PCDH15: variants seen among roughly 807,000 people sequenced by gnomAD.
The protein encoded by PCDH15 is protocadherin-15.
A neutral mutation model predicts 178.5 loss-of-function variants in PCDH15; 129 were observed. That is an observed-to-expected ratio of 0.72 (90% confidence interval 0.63 to 0.84). The LOEUF (loss-of-function observed/expected upper bound fraction) is 0.84, where lower values mean the gene tolerates loss of function less well. Ranked by LOEUF, PCDH15 falls within the 40% of genes least tolerant of loss-of-function variation. The pLI is 0.00. For synonymous variants in PCDH15, 800 were observed against 732.0 expected, an observed-to-expected ratio of 1.09 and a Z score of -1.50; for missense variants, 2,230 against 2,099.9, an observed-to-expected ratio of 1.06 and a Z score of -1.21.
At chr10:55,233,066 T>G (rs1841271171) in intron 1 of PCDH15, among the ~76,000 whole-genome samples, 1 of 59,760 alleles carries the variant, frequency 1.7e-5, no homozygotes, top group African/African-American at 4.6e-5. Flanking sequence ...GGAGAAAATA[T>G]TGTCTCATAA....
At chr10:55,566,457 G>A (rs1386322905) in intron 2 of PCDH15, among the ~76,000 whole-genome samples, 2 of 151,340 alleles carry the variant, frequency 1.3e-5, no homozygotes, top group Non-Finnish European at 3.0e-5. Context: ...AAAAGATCTG[G>A]CTAGAAAAAA....
intron 3 of PCDH15, among the ~76,000 whole-genome samples, chr10:54,481,330 A>C (rs2078702067): frequency 6.6e-6 from 1 of 151,892 alleles, no homozygotes; most frequent in African/African-American, 2.4e-5. Flanking sequence ...ATATTAAATT[A>C]TAAGAAATTT....
At chr10:55,341,805 ATTTTTTTT>A (rs869187882) in intron 2 of PCDH15, among the ~76,000 whole-genome samples, 4 of 16,320 alleles carry the variant, frequency 2.5e-4, no homozygotes, top group South Asian at 2.8e-3. Flanking sequence ...ATATATATAT[ATTTTTTTT>A]TTTTTTTTTT....
At chr10:55,272,413 AT>A (rs1317107752) in intron 1 of PCDH15, among the ~76,000 whole-genome samples, 6 of 148,674 alleles carry the variant, frequency 4.0e-5, no homozygotes, top group African/African-American at 1.2e-4. Flanking sequence ...TATTTATTTT[AT>A]TTTATTTTGA....
chr10:54,518,890 T>C (rs1016786861), intron 3 of PCDH15, among the ~76,000 whole-genome samples: 7 of 152,206 alleles, frequency 4.6e-5, no homozygotes, highest in African/African-American at 1.7e-4. Context: ...ATCCCTGGGA[T>C]GCAAGGCTGG....
intron 2 of PCDH15, among the ~76,000 whole-genome samples, chr10:54,903,154 A>G (rs1954665091): frequency 6.6e-6 from 1 of 152,170 alleles, no homozygotes; most frequent in South Asian, 2.1e-4. Flanking sequence ...ATGAAGGAGG[A>G]AACAGACTAG....
At chr10:54,821,500 A>G (rs1182720233) in intron 3 of PCDH15, among the ~76,000 whole-genome samples, 4 of 152,136 alleles carry the variant, frequency 2.6e-5, no homozygotes, top group Non-Finnish European at 5.9e-5. Flanking sequence ...ACGTTTTTAA[A>G]AGTTGGCACA....
chr10:55,076,915 T>C (rs1841905009), intron 2 of PCDH15, among the ~76,000 whole-genome samples: 1 of 151,516 alleles, frequency 6.6e-6, no homozygotes, highest in Admixed American at 6.6e-5. Context: ...ATTATAGGCA[T>C]CTGCCACCAC....
intron 8 of PCDH15, among the ~76,000 whole-genome samples, chr10:54,240,541 A>G (rs1332268232): frequency 6.6e-6 from 1 of 151,914 alleles, no homozygotes; most frequent in African/African-American, 2.4e-5. Context: ...ATAAAGGGCT[A>G]AAGATAAGAG....
Position 53,822,096 on chromosome 10 carries a change from C to T in PCDH15, c.4368-1866G>A, listed in dbSNP as rs1162730485. On this transcript the variant is annotated intron_variant, in intron 32 of 37. Transcript: ENST00000644397. ...GTGTCTGAGGATGCCTTTTGGTTCT[C>T]TCTGAGGGTCTGTTTTACACACTGT... 2 of 1,613,952 alleles carry T rather than the reference C, an allele frequency of 1.2e-6. No homozygotes were observed. The highest frequency in any genetic ancestry group is 1.7e-6 in the Non-Finnish European group (2 of 1,179,938).
chr10:54,825,141 G>C (rs998967121), intron 3 of PCDH15, among the ~76,000 whole-genome samples: 1 of 151,806 alleles, frequency 6.6e-6, no homozygotes, highest in Non-Finnish European at 1.5e-5. Flanking sequence ...TTTTGTCCTT[G>C]CGATAGTTTG....
At chr10:54,656,498 G>A (rs531187904) in intron 2 of PCDH15, among the ~76,000 whole-genome samples, 276 of 152,128 alleles carry the variant, frequency 1.8e-3, no homozygotes, top group Middle Eastern at 0.01. Context: ...AACTCACACA[G>A]GGGTGCCCAC....
chr10:54,916,460 T>A (rs990440402), intron 2 of PCDH15, among the ~76,000 whole-genome samples: 6 of 152,212 alleles, frequency 3.9e-5, no homozygotes, highest in Non-Finnish European at 8.8e-5. Flanking sequence ...ATCTGGTATC[T>A]GTCTGAATAG....
At chr10:54,522,180 G>A (rs757904358) in intron 3 of PCDH15, among the ~76,000 whole-genome samples, 8 of 150,610 alleles carry the variant, frequency 5.3e-5, no homozygotes, top group South Asian at 4.2e-4. Context: ...TTAATTATGC[G>A]CTGCTATGAC....
chr10:53,806,805 G>GCATT lies in PCDH15; in HGVS notation c.4993_4996dup (p.Ala1666GlufsTer17). 6.2e-7 allele frequency: 1 copy of GCATT among 1,613,810 alleles called. No individual in the cohort carries two copies. Among genetic ancestry groups the GCATT allele is most frequent in the South Asian group, 1.1e-5 (1 of 91,080 alleles). ...GGCAAATGTAACCAGAGTTGGTCTTGCATTCATTTTTTCAGTAGAAAATGG... is the reference window on the plus strand; with the variant it reads ...GGCAAATGTAACCAGAGTTGGTCTTGCATTCATTCATTTTTTCAGTAGAAAATGG... On this transcript the variant is annotated frameshift_variant, in exon 38 of 38. Coordinates refer to ENST00000644397, the MANE Select transcript of PCDH15 (RefSeq NM_001384140.1). LOFTEE classifies it high-confidence loss of function.
At chr10:55,326,777 T>TA (rs941010191) in intron 2 of PCDH15, among the ~76,000 whole-genome samples, 11 of 151,532 alleles carry the variant, frequency 7.3e-5, no homozygotes, top group South Asian at 6.2e-4. Flanking sequence ...AGGTATACTG[T>TA]AAAAAAAATT....
At chr10:55,254,338 G>C (rs779287211) in intron 1 of PCDH15, among the ~76,000 whole-genome samples, 5 of 152,148 alleles carry the variant, frequency 3.3e-5, no homozygotes, top group Non-Finnish European at 5.9e-5. Context: ...TCTCTTTTGA[G>C]TGAGGGTTTT....
intron 3 of PCDH15, among the ~76,000 whole-genome samples, chr10:54,808,366 A>G (rs1213963461): frequency 6.6e-6 from 1 of 152,218 alleles, no homozygotes; most frequent in Non-Finnish European, 1.5e-5. Flanking sequence ...TTCCAAATCA[A>G]GCCCACATAG....
At chr10:54,327,059 C>T (rs1349016222) in intron 7 of PCDH15, among the ~76,000 whole-genome samples, 1 of 151,994 alleles carries the variant, frequency 6.6e-6, no homozygotes, top group Non-Finnish European at 1.5e-5. Flanking sequence ...GTCACTACCT[C>T]AGTGATGAGT....
Sources: allele counts gnomAD v4.1 joint callset (sites outside exome capture counted in the v4.1 genomes callset), GRCh38; gene constraint gnomAD v4.1.1; transcripts MANE v1.5; gene names NCBI Gene and HGNC (gene_info 2026-07-23, HGNC 2026-07-21).